Variants in SNX29 observed in about 807,000 individuals in gnomAD.
SNX29 encodes sorting nexin-29.
In SNX29, 78 loss-of-function variants were observed where a neutral mutation model predicts 102.1. That is an observed-to-expected ratio of 0.76 (90% CI 0.64 to 0.92). The LOEUF is 0.92. SNX29 is among the 40% of genes least tolerant of loss of function. The probability of loss-of-function intolerance (pLI) is 0.00; values close to 1 mark genes in which losing one functional copy is unlikely to be tolerated. For synonymous variants in SNX29, 580 were observed against 414.5 expected (o/e 1.40, Z -4.85); for missense variants, 1,280 against 1,061.7 (o/e 1.21, Z -2.86).
intron 16 of SNX29, among the ~76,000 whole-genome samples, chr16:12,397,462 G>A (rs551917784): frequency 6.6e-6 from 1 of 152,206 alleles, no homozygotes; most frequent in Non-Finnish European, 1.5e-5. Flanking sequence ...CAGGTTCACT[G>A]TGAAGCTTGC....
chr16:12,207,395 A>G (rs1420922150), intron 14 of SNX29, among the ~76,000 whole-genome samples: 1 of 152,076 alleles, frequency 6.6e-6, no homozygotes, highest in Non-Finnish European at 1.5e-5. Context: ...AAAAACAAAA[A>G]CCAGGGAGGC....
intron 13 of SNX29, among the ~76,000 whole-genome samples, chr16:12,172,804 G>A (rs1299795186): frequency 6.6e-6 from 1 of 152,180 alleles, no homozygotes; most frequent in Non-Finnish European, 1.5e-5. Flanking sequence ...TAAAGTAATG[G>A]ATGTGAAGTG....
chr16:12,574,162 T>G lies in SNX29; in HGVS notation c.*5533T>G. ...ATTTTTAAACAAATGTGTTTAATTTTTTAAGATCTCTTGTATTAAAATTTT... is the reference window on the plus strand; with the variant it reads ...ATTTTTAAACAAATGTGTTTAATTTGTTAAGATCTCTTGTATTAAAATTTT... On this transcript the variant is annotated 3_prime_UTR_variant, in exon 21 of 21. Coordinates refer to ENST00000566228, the MANE Select transcript of SNX29 (RefSeq NM_032167.5). 5.5e-6 allele frequency: 1 copy of G among 181,010 alleles called. No homozygotes were observed. Among genetic ancestry groups the G allele is most frequent in the Non-Finnish European group, 1.2e-5 (1 of 84,706 alleles). 11.2% of individuals were successfully genotyped at this position (181,010 alleles called of 1,614,324 possible).
chr16:12,206,187 A>T (rs2077039765), intron 14 of SNX29, among the ~76,000 whole-genome samples: 1 of 152,188 alleles, frequency 6.6e-6, no homozygotes, highest in South Asian at 2.1e-4. Context: ...TTGTGATGAC[A>T]GGAGTCATAC....
chr16:12,252,591 C>T (rs560102626), intron 14 of SNX29, among the ~76,000 whole-genome samples: 20 of 152,356 alleles, frequency 1.3e-4, no homozygotes, highest in African/African-American at 3.6e-4. Context: ...CCTCCCTGAA[C>T]GTGTGTGCAT....
At chr16:12,450,252 C>T (rs757053364) in intron 18 of SNX29, among the ~76,000 whole-genome samples, 7 of 152,156 alleles carry the variant, frequency 4.6e-5, no homozygotes, top group Non-Finnish European at 1.0e-4. Context: ...ATACAATTCC[C>T]ATGATATATG....
At chr16:12,229,165 T>C (rs1372243187) in intron 14 of SNX29, among the ~76,000 whole-genome samples, 1 of 152,244 alleles carries the variant, frequency 6.6e-6, no homozygotes, top group Non-Finnish European at 1.5e-5. Flanking sequence ...GTCTTATTTA[T>C]TCCTGGTTTG....
At chr16:12,056,001 C>T (rs930383653) in intron 8 of SNX29, among the ~76,000 whole-genome samples, 2 of 152,178 alleles carry the variant, frequency 1.3e-5, no homozygotes, top group African/African-American at 4.8e-5. Flanking sequence ...CCTGCCTCAG[C>T]CTCCAGAGTA....
At chr16:12,287,094 G>C (rs972231256) in intron 15 of SNX29, among the ~76,000 whole-genome samples, 2 of 152,204 alleles carry the variant, frequency 1.3e-5, no homozygotes, top group African/African-American at 4.8e-5. Context: ...ATTTATGCAA[G>C]ATGGCTAAGC....
intron 14 of SNX29, among the ~76,000 whole-genome samples, chr16:12,266,253 C>G (rs7195084): frequency 0.017 from 2,591 of 152,184 alleles, 90 homozygotes; most frequent in African/African-American, 0.059. Context: ...TATACTCACA[C>G]CGCTCTCAAC....
intron 15 of SNX29, among the ~76,000 whole-genome samples, chr16:12,282,030 G>A (rs192080024): frequency 3.8e-4 from 55 of 144,596 alleles, no homozygotes; most frequent in African/African-American, 1.3e-3. Context: ...GTTGCAGTGA[G>A]CTGGGATCAT....
chr16:12,540,069 G>C (rs900032714), intron 20 of SNX29, among the ~76,000 whole-genome samples: 1 of 152,044 alleles, frequency 6.6e-6, no homozygotes, highest in Non-Finnish European at 1.5e-5. Flanking sequence ...CATGCTTTTG[G>C]TGTCATGTCT....
intron 16 of SNX29, among the ~76,000 whole-genome samples, chr16:12,394,325 G>A (rs1026515289): frequency 2.0e-5 from 3 of 152,196 alleles, no homozygotes; most frequent in African/African-American, 7.2e-5. Context: ...CGGATACTTT[G>A]TAGTGGGAGG....
intron 14 of SNX29, among the ~76,000 whole-genome samples, chr16:12,213,665 GATAA>G (rs1248251035): frequency 6.6e-6 from 1 of 152,150 alleles, no homozygotes; most frequent in Admixed American, 6.5e-5. Flanking sequence ...TCTCCAAGTG[GATAA>G]ATAATTAAGA....
chr16:12,365,117 T>C (rs16959329), intron 16 of SNX29, among the ~76,000 whole-genome samples: 1,616 of 152,278 alleles, frequency 0.011, 29 homozygotes, highest in African/African-American at 0.037. Flanking sequence ...AGGACTCTTT[T>C]GTTCCATACC....
At chr16:12,451,569 A>G (rs947978927) in intron 18 of SNX29, among the ~76,000 whole-genome samples, 3 of 152,248 alleles carry the variant, frequency 2.0e-5, no homozygotes, top group Non-Finnish European at 2.9e-5. Flanking sequence ...GGTTGCATTC[A>G]AGAAACGGAT....
chr16:12,162,773 C>T (rs1432034247), intron 13 of SNX29, among the ~76,000 whole-genome samples: 3 of 152,172 alleles, frequency 2.0e-5, no homozygotes, highest in Non-Finnish European at 4.4e-5. Context: ...GTAACTGTTC[C>T]CTGAATGCAG....
At position 12,048,601 on chromosome 16, in the gene SNX29, G is replaced by T. The variant is rs2050182508; in HGVS notation, c.729G>T (p.Val243=). Residue 243 remains valine (V), a synonymous_variant, in exon 7 of 21, where the codon GTG becomes GTT. Transcript: ENST00000566228. The part of the protein sequence containing the change: ...PEQETDPLPV[V]SRNVSADAKC... ...AGGAGACCGACCCCTTGCCTGTCGT[G>T]TCCAGGAATGTCAGTGCTGGTGAGT... 2 of 1,613,792 alleles carry T rather than the reference G, an allele frequency of 1.2e-6. No homozygotes were observed. The highest frequency in any genetic ancestry group is 1.3e-5 in the African/African-American group (1 of 74,900).
At chr16:12,003,479 A>C (rs1363976229) in intron 3 of SNX29, among the ~76,000 whole-genome samples, 5 of 152,190 alleles carry the variant, frequency 3.3e-5, no homozygotes, top group Non-Finnish European at 7.4e-5. Context: ...AAAAATGCAT[A>C]GGTAGTGATT....
Sources: allele counts gnomAD v4.1 joint callset (sites outside exome capture counted in the v4.1 genomes callset), GRCh38; gene constraint gnomAD v4.1.1; transcripts MANE v1.5; gene names NCBI Gene and HGNC (gene_info 2026-07-23, HGNC 2026-07-21).